The following PCDH11X variants were observed in gnomAD, a reference collection of about 807,000 sequenced individuals.
PCDH11X encodes protocadherin 11 X-linked.
A neutral mutation model predicts 53.3 loss-of-function variants in PCDH11X; 18 were observed. That is an observed-to-expected ratio of 0.34 (90% CI 0.23 to 0.50). PCDH11X has a LOEUF of 0.50. PCDH11X is among the 20% of genes least tolerant of loss of function. The pLI, the probability that PCDH11X is intolerant of heterozygous loss-of-function variation, is 0.98. For synonymous variants in PCDH11X, 279 were observed against 393.3 expected (o/e 0.71, Z 3.44); for missense variants, 570 against 1,032.4 (o/e 0.55, Z 6.14).
intron 6 of PCDH11X, among the ~76,000 whole-genome samples, chrX:92,049,713 A>G (rs1209377103): frequency 2.7e-5 from 3 of 111,752 alleles, no homozygotes; most frequent in Non-Finnish European, 5.6e-5. Context: ...TTATATTTTT[A>G]TACTTTATTA....
chrX:92,078,678 CA>C (rs2063811500), intron 6 of PCDH11X, among the ~76,000 whole-genome samples: 2 of 110,466 alleles, frequency 1.8e-5, no homozygotes, highest in Admixed American at 1.9e-4. Flanking sequence ...AAGCCTTACT[CA>C]TTTTTTTTCT....
intron 8 of PCDH11X, among the ~76,000 whole-genome samples, chrX:92,292,356 T>C (rs1044008455): frequency 2.7e-5 from 3 of 112,401 alleles, no homozygotes; most frequent in Non-Finnish European, 5.6e-5. Flanking sequence ...ACATTTTACC[T>C]GCACACTTGT....
chrX:92,514,940 G>A (rs1294314233), intron 10 of PCDH11X, among the ~76,000 whole-genome samples: 5 of 103,750 alleles, frequency 4.8e-5, no homozygotes, highest in Admixed American at 1.0e-4. Context: ...CCAGCTACTC[G>A]GGAGGCTGAG....
chrX:91,815,474 A>T (rs1056314954), intron 4 of PCDH11X, among the ~76,000 whole-genome samples: 2 of 111,893 alleles, frequency 1.8e-5, no homozygotes, highest in Non-Finnish European at 3.8e-5. Flanking sequence ...TATGTATGAA[A>T]AAATTTTTCA....
At chrX:91,894,431 G>A (rs1940652674) in intron 6 of PCDH11X, among the ~76,000 whole-genome samples, 3 of 111,457 alleles carry the variant, frequency 2.7e-5, no homozygotes, top group Non-Finnish European at 5.7e-5. Context: ...TATTTCTAGT[G>A]AACAAATGTT....
chrX:92,266,959 G>T (rs1397480955), intron 8 of PCDH11X, among the ~76,000 whole-genome samples: 1 of 110,234 alleles, frequency 9.1e-6, no homozygotes, highest in Admixed American at 9.7e-5. Context: ...TGGCCAGGCT[G>T]GTCTCGAACT....
At chrX:92,356,101 G>T (rs2070199747) in intron 8 of PCDH11X, among the ~76,000 whole-genome samples, 1 of 111,730 alleles carries the variant, frequency 9.0e-6, no homozygotes, top group Non-Finnish European at 1.9e-5. Flanking sequence ...AATCCTAGGA[G>T]ATAATTTGGA....
Position 92,533,291 on chromosome X carries a change from T to A in PCDH11X, c.3367+64969T>A, listed in dbSNP as rs142984248. ...GAATACCCTATAACAGGTCCTGCTC[T>A]AGGAAGTTGAGGTCTACCAGAGGAC... On this transcript the variant is annotated intron_variant, in intron 10 of 10. Coordinates refer to ENST00000682573, the MANE Select transcript of PCDH11X (RefSeq NM_032968.5). Among the ~76,000 whole-genome samples the A allele has an allele frequency of 2.7e-3, 296 of 110,995 alleles. 2 individuals are homozygous for A. The highest frequency in any genetic ancestry group is 9.5e-3 in the African/African-American group (289 of 30,483).
chrX:92,280,524 A>T (rs1209095293), intron 8 of PCDH11X, among the ~76,000 whole-genome samples: 1 of 91,377 alleles, frequency 1.1e-5, no homozygotes, highest in Non-Finnish European at 2.1e-5. Flanking sequence ...TCCATCTCAA[A>T]TAAATAAATA....
intron 9 of PCDH11X, chrX:92,460,018 A>G (rs762967351): frequency 2.0e-6 from 2 of 1,003,330 alleles, no homozygotes; most frequent in African/African-American, 3.7e-5. Context: ...CTTGGAGAAT[A>G]AGGGACCCCA....
intron 9 of PCDH11X, among the ~76,000 whole-genome samples, chrX:92,413,547 A>G (rs2071736597): frequency 1.1e-5 from 1 of 91,148 alleles, no homozygotes; most frequent in Non-Finnish European, 2.1e-5. Flanking sequence ...AGGCTTAGGT[A>G]TCCATGGCTC....
At chrX:92,055,876 G>A (rs920204162) in intron 6 of PCDH11X, among the ~76,000 whole-genome samples, 10 of 110,945 alleles carry the variant, frequency 9.0e-5, no homozygotes, top group South Asian at 3.8e-4. Context: ...CCCTGCAAAG[G>A]ACATGACCTT....
intron 6 of PCDH11X, among the ~76,000 whole-genome samples, chrX:92,087,225 G>C (rs184251166): frequency 0.014 from 1,526 of 109,648 alleles, 26 homozygotes; most frequent in African/African-American, 0.047. Flanking sequence ...CTCCTGAGTA[G>C]CTGGGATTAC....
At chrX:92,107,928 CAAATT>C (rs1241210873) in intron 6 of PCDH11X, among the ~76,000 whole-genome samples, 4 of 111,661 alleles carry the variant, frequency 3.6e-5, no homozygotes, top group Non-Finnish European at 7.5e-5. Flanking sequence ...AATCACTAGT[CAAATT>C]AATTTATCAG....
intron 7 of PCDH11X, among the ~76,000 whole-genome samples, chrX:92,256,041 C>T (rs753924680): frequency 3.4e-4 from 38 of 112,173 alleles, no homozygotes; most frequent in South Asian, 1.5e-3. Context: ...GCCTCGCTGC[C>T]GCCTTGCAGT....
chrX:92,592,726 G>A (rs1235147314), intron 10 of PCDH11X, among the ~76,000 whole-genome samples: 36 of 111,797 alleles, frequency 3.2e-4, no homozygotes, highest in African/African-American at 8.8e-4. Context: ...GCAAGACTCC[G>A]TCTCAGAAAA....
chrX:92,020,518 G>A lies in PCDH11X; in HGVS notation c.3033+141245G>A, dbSNP rs926737710. ...GCAGGAACTCCAACTCTAGCCCCAGGAACTCAGGAACAGAAGTCTGATCTC... is the reference window on the plus strand; with the variant it reads ...GCAGGAACTCCAACTCTAGCCCCAGAAACTCAGGAACAGAAGTCTGATCTC... On this transcript the variant is annotated intron_variant, in intron 6 of 10. Coordinates refer to ENST00000682573, the MANE Select transcript of PCDH11X (RefSeq NM_032968.5). Among the ~76,000 whole-genome samples, 5 of 110,922 alleles carry A rather than the reference G, an allele frequency of 4.5e-5. No individual in the cohort carries two copies. In the Admixed American group the frequency reaches 4.8e-4, roughly 11 times the overall value.
intron 6 of PCDH11X, among the ~76,000 whole-genome samples, chrX:91,915,661 A>G (rs1460912692): frequency 9.0e-6 from 1 of 111,231 alleles, no homozygotes; most frequent in African/African-American, 3.3e-5. Context: ...ATACGCACCT[A>G]ACGCTGGAAT....
chrX:92,314,155 G>A (rs746769620), intron 8 of PCDH11X, among the ~76,000 whole-genome samples: 4 of 111,950 alleles, frequency 3.6e-5, no homozygotes, highest in South Asian at 7.4e-4. Flanking sequence ...CAAAGATATC[G>A]TACAGGGGCA....
Sources: gnomAD v4.1 joint callset for allele counts (sites outside exome capture counted in the v4.1 genomes callset) on GRCh38, gnomAD v4.1.1 for gene constraint, MANE v1.5 for transcripts, NCBI Gene and HGNC (gene_info 2026-07-23, HGNC 2026-07-21) for gene names.